EIF3E: variants seen among roughly 807,000 people sequenced by gnomAD.
EIF3E encodes eIF-3 p48.
A neutral mutation model predicts 59.3 loss-of-function variants in EIF3E; 25 were observed. The observed-to-expected ratio is 0.42, with a 90% CI of 0.31 to 0.59. The LOEUF (loss-of-function observed/expected upper bound fraction) is 0.59. EIF3E is among the 20% of genes least tolerant of loss of function. The pLI is 0.15. For synonymous variants in EIF3E, 176 were observed against 170.2 expected, an observed-to-expected ratio of 1.03 and a Z score of -0.26; for missense variants, 317 against 534.3, an observed-to-expected ratio of 0.59 and a Z score of 4.01.
chr8:108,225,364 A>T (rs1320469265), intron 7 of EIF3E, among the ~76,000 whole-genome samples: 2 of 151,536 alleles, frequency 1.3e-5, no homozygotes, highest in Non-Finnish European at 2.9e-5. Flanking sequence ...GATGTTCATG[A>T]ATGTGGTTTT....
chr8:108,246,145 A>G (rs1815943482), intron 1 of EIF3E, among the ~76,000 whole-genome samples: 1 of 152,136 alleles, frequency 6.6e-6, no homozygotes, highest in Non-Finnish European at 1.5e-5. Flanking sequence ...TAAGCAAGAG[A>G]GCGAGACAGA....
Position 108,248,604 on chromosome 8 carries a change from C to T in EIF3E, c.90+9G>A. Reference sequence around the variant, plus strand: ...CCCACGCCTTCCTTGCGCCCAAAGACCCCCTCACCTCCTTTACAGAGAGAA... The same window carrying T: ...CCCACGCCTTCCTTGCGCCCAAAGATCCCCTCACCTCCTTTACAGAGAGAA... On this transcript the variant is annotated intron_variant, in intron 1 of 12. Coordinates refer to ENST00000220849, the MANE Select transcript of EIF3E (RefSeq NM_001568.3). The T allele has an allele frequency of 3.7e-6, 6 of 1,613,734 alleles. No individual in the cohort carries two copies. Among genetic ancestry groups the T allele is most frequent in the Non-Finnish European group, 5.1e-6 (6 of 1,179,778 alleles).
At chr8:108,247,676 A>C (rs997411575) in intron 1 of EIF3E, among the ~76,000 whole-genome samples, 3 of 152,208 alleles carry the variant, frequency 2.0e-5, no homozygotes, top group Non-Finnish European at 4.4e-5. Context: ...CCAAATCTAG[A>C]GTTCCCTAAG....
At chr8:108,245,738 A>C (rs1271670543) in intron 1 of EIF3E, among the ~76,000 whole-genome samples, 1 of 152,230 alleles carries the variant, frequency 6.6e-6, no homozygotes, top group Non-Finnish European at 1.5e-5. Flanking sequence ...AAGAGTGAGA[A>C]ACAAGTATGT....
chr8:108,230,335 C>T (rs1429534934), intron 5 of EIF3E, among the ~76,000 whole-genome samples: 4 of 151,990 alleles, frequency 2.6e-5, no homozygotes, highest in African/African-American at 9.7e-5. Flanking sequence ...GTTTAAGTGA[C>T]ATAAGACATA....
intron 1 of EIF3E, among the ~76,000 whole-genome samples, chr8:108,247,794 A>G (rs1262422804): frequency 6.6e-6 from 1 of 152,198 alleles, no homozygotes; most frequent in Non-Finnish European, 1.5e-5. Context: ...AAATGCATCA[A>G]TTTCCCAATA....
intron 3 of EIF3E, among the ~76,000 whole-genome samples, chr8:108,236,735 T>C (rs1363972097): frequency 6.6e-6 from 1 of 152,192 alleles, no homozygotes; most frequent in Non-Finnish European, 1.5e-5. Context: ...TAATAAATCA[T>C]GCCTGGCCGG....
At chr8:108,221,296 G>C (rs978026721) in intron 7 of EIF3E, among the ~76,000 whole-genome samples, 7 of 152,106 alleles carry the variant, frequency 4.6e-5, no homozygotes, top group Non-Finnish European at 8.8e-5. Flanking sequence ...TGGGCATGAG[G>C]CAATGCTCTG....
At chr8:108,241,975 C>T in intron 1 of EIF3E, 62 bp from the exon 2 acceptor site, 1 of 1,257,218 alleles carries the variant, frequency 8.0e-7, no homozygotes, top group Non-Finnish European at 1.1e-6. Context: ...CTGATTAATA[C>T]TAAAACTAAT....
intron 1 of EIF3E, among the ~76,000 whole-genome samples, chr8:108,245,843 G>T (rs1055662745): frequency 6.6e-6 from 1 of 152,194 alleles, no homozygotes; most frequent in African/African-American, 2.4e-5. Context: ...CTCTCATGAA[G>T]CTTATATTCT....
chr8:108,243,494 T>G (rs1815882198), intron 1 of EIF3E: 1 of 151,382 alleles, frequency 6.6e-6, no homozygotes, highest in African/African-American at 2.4e-5. Flanking sequence ...CCGGGCGTGG[T>G]GGTGGGCGCC....
chr8:108,230,574 T>A (rs674391), intron 5 of EIF3E, among the ~76,000 whole-genome samples: 88,118 of 151,854 alleles, frequency 0.58, 25,570 homozygotes, highest in Middle Eastern at 0.63. Context: ...ACTGAGATTC[T>A]TCCTTTCAAA....
chr8:108,233,164 A>C (rs1245773669), intron 5 of EIF3E, among the ~76,000 whole-genome samples: 2 of 152,242 alleles, frequency 1.3e-5, no homozygotes, highest in Non-Finnish European at 2.9e-5. Flanking sequence ...ACCACAGCTA[A>C]TCTGTAAATT....
intron 10 of EIF3E, among the ~76,000 whole-genome samples, chr8:108,212,115 G>A (rs906995496): frequency 6.6e-6 from 1 of 152,316 alleles, no homozygotes; most frequent in South Asian, 2.1e-4. Flanking sequence ...CAATGCAGTT[G>A]TTCTGAGTCA....
rs1324240383 is a variant in EIF3E at position 108,248,597 on chromosome 8, C to T, written c.90+16G>A. On this transcript the variant is annotated intron_variant, in intron 1 of 12. Transcript: ENST00000220849. ...ATCCGCCCCCACGCCTTCCTTGCGC[C>T]CAAAGACCCCCTCACCTCCTTTACA... The T allele has an allele frequency of 8.1e-6, 13 of 1,613,610 alleles. No individual in the cohort carries two copies. The South Asian group carries it at 8.8e-5, about 11-fold the overall frequency.
At chr8:108,225,773 AACAG>A (rs1211285580) in intron 7 of EIF3E, among the ~76,000 whole-genome samples, 2 of 151,518 alleles carry the variant, frequency 1.3e-5, no homozygotes, top group Non-Finnish European at 2.9e-5. Context: ...AGCACATCAC[AACAG>A]ACTGCAAGAA....
Position 108,242,693 on chromosome 8 carries a change from C to T in EIF3E, c.91-780G>A, listed in dbSNP as rs1407950941. 114 of 1,109,688 alleles carry T rather than the reference C, an allele frequency of 1.0e-4. No homozygotes were observed. In the Admixed American group the frequency reaches 2.7e-3, roughly 26 times the overall value. 68.7% of individuals were successfully genotyped at this position (1,109,688 alleles called of 1,614,324 possible). The stretch of plus-strand genomic sequence containing the variant: ...AACCTTCCAAATTACATGCAGAACT[C>T]CTATAAATGAGTAAGACAAGACAGA... On this transcript the variant is annotated intron_variant, in intron 1 of 12. Coordinates refer to ENST00000220849, the MANE Select transcript of EIF3E (RefSeq NM_001568.3).
At chr8:108,239,933 G>T (rs527247777) in intron 3 of EIF3E, 25 bp downstream of exon 3, 1 of 1,542,354 alleles carries the variant, frequency 6.5e-7, no homozygotes, top group Non-Finnish European at 9.0e-7. Context: ...AGAATTTTTA[G>T]AATTCAAAAT....
Position 108,214,654 on chromosome 8 carries a change from G to A in EIF3E, c.1014C>T (p.Leu338=). The A allele has an allele frequency of 1.2e-6, 2 of 1,611,798 alleles. No individual in the cohort carries two copies. The highest frequency in any genetic ancestry group is 2.7e-5 in the African/African-American group (2 of 74,858). ...CLEDFIENAR[L]FIFETFCRIH... The stretch of plus-strand genomic sequence containing the variant: ...TGCGACAGAAAGTCTCAAATATGAA[G>A]AGACGGGCATTTTCAATGAAATCCT... Residue 338 remains leucine, a synonymous_variant, in exon 10 of 13, where the codon CTC becomes CTT. Transcript: ENST00000220849.
Sources: allele counts gnomAD v4.1 joint callset (sites outside exome capture counted in the v4.1 genomes callset), GRCh38; gene constraint gnomAD v4.1.1; transcripts MANE v1.5; gene names NCBI Gene and HGNC (gene_info 2026-07-23, HGNC 2026-07-21).